The following TNFRSF8 variants were observed in gnomAD, a reference collection of about 807,000 sequenced individuals.
The protein encoded by TNFRSF8 is tumor necrosis factor receptor superfamily member 8.
TNFRSF8 carries 26 observed loss-of-function variants against 70.8 expected under a neutral mutation model. The observed-to-expected ratio is 0.37, with a 90% CI of 0.27 to 0.51. The LOEUF is 0.51. Among genes scored for constraint, TNFRSF8 ranks in the 20% least tolerant of loss-of-function variants. The pLI, the probability that TNFRSF8 is intolerant of heterozygous loss-of-function variation, is 0.94. For missense variants in TNFRSF8, 720 were observed against 807.9 expected, an observed-to-expected ratio of 0.89 and a Z score of 1.32; for synonymous variants, 356 against 339.2, an observed-to-expected ratio of 1.05 and a Z score of -0.54.
chr1:12,080,459 A>G (rs1569993247), intron 1 of TNFRSF8: 3 of 524,826 alleles, frequency 5.7e-6, no homozygotes, highest in East Asian at 5.2e-5. Context: ...TATCTTCTTC[A>G]TGGCAGACTC....
At position 12,099,310 on chromosome 1, in the gene TNFRSF8, A is replaced by G. The variant is rs558571698; in HGVS notation, c.268+2093A>G. Among the ~76,000 whole-genome samples, 8 of 151,914 alleles carry G rather than the reference A, an allele frequency of 5.3e-5. No individual in the cohort carries two copies. The East Asian group carries it at 1.6e-3, about 29-fold the overall frequency. On this transcript the variant is annotated intron_variant, in intron 3 of 14. Transcript: ENST00000263932. ...CAGGGATGCACCACCACGCCTGGCTAATTTTTGTATTTTTAGAAGAGATGG... is the reference window on the plus strand; with the variant it reads ...CAGGGATGCACCACCACGCCTGGCTGATTTTTGTATTTTTAGAAGAGATGG...
chr1:12,098,339 A>G (rs1641365548), intron 3 of TNFRSF8, among the ~76,000 whole-genome samples: 1 of 152,232 alleles, frequency 6.6e-6, no homozygotes, highest in African/African-American at 2.4e-5. Context: ...AATGAAAATT[A>G]TAAACATTTA....
intron 3 of TNFRSF8, among the ~76,000 whole-genome samples, chr1:12,103,475 CTA>C (rs1437259120): frequency 6.6e-6 from 1 of 152,102 alleles, no homozygotes; most frequent in Non-Finnish European, 1.5e-5. Context: ...ACAGTTTCCC[CTA>C]TTTTTTGTTT....
At chr1:12,130,035 G>A (rs1303704209) in intron 12 of TNFRSF8, among the ~76,000 whole-genome samples, 2 of 152,062 alleles carry the variant, frequency 1.3e-5, no homozygotes, top group Non-Finnish European at 2.9e-5. Flanking sequence ...CTCCCAAGTG[G>A]CTGGGATTAC....
Position 12,063,762 on chromosome 1 carries a change from T to C in TNFRSF8, c.63+101T>C, listed in dbSNP as rs1640689334. On this transcript the variant is annotated intron_variant, in intron 1 of 14. Transcript: ENST00000263932. This position sits in a 1 kb window ranked among gnomAD's most constrained non-coding sequence, Gnocchi z 7.2. ...GGAGGACACTCCTCACCCCGTTCCC[T>C]GCCCAGCTGGAGTGAGGGGGCGCGG... is the stretch of plus-strand genomic sequence containing the variant. The C allele has an allele frequency of 5.3e-6, 6 of 1,134,532 alleles. 1 individual carries two copies. The South Asian group carries it at 2.2e-4, about 41-fold the overall frequency. The allele number at this position is 1,134,532 out of a possible 1,614,324, so 70.3% of individuals were successfully genotyped here. A position where few individuals can be genotyped will look rare whatever the true frequency, so the allele number is the denominator to read the frequency against.
chr1:12,082,803 A>G (rs979322736), intron 1 of TNFRSF8, among the ~76,000 whole-genome samples: 1 of 152,206 alleles, frequency 6.6e-6, no homozygotes, highest in Non-Finnish European at 1.5e-5. Context: ...AAAGATTAGT[A>G]TATGTAATTT....
At chr1:12,137,870 C>T (rs1436466239) in intron 13 of TNFRSF8, among the ~76,000 whole-genome samples, 2 of 151,982 alleles carry the variant, frequency 1.3e-5, no homozygotes, top group African/African-American at 4.8e-5. Flanking sequence ...AACCCTGGGC[C>T]AATTACTCGA....
rs148756853 is a variant in TNFRSF8 at position 12,104,435 on chromosome 1, C to A, written c.325C>A (p.Arg109=). 2 of 1,613,998 alleles carry A rather than the reference C, an allele frequency of 1.2e-6. No individual in the cohort carries two copies. Among genetic ancestry groups the A allele is most frequent in the African/African-American group, 2.7e-5 (2 of 74,892 alleles). Residue 109 remains arginine (R), a synonymous_variant, in exon 4 of 15, where the codon CGA becomes AGA. Coordinates refer to ENST00000263932, the MANE Select transcript of TNFRSF8 (RefSeq NM_001243.5). ...GAACTCCTCCCGTGTCTGCGAATGT[C>A]GACCCGGCATGTTCTGTTCCACGTC... ...AWNSSRVCEC[R]PGMFCSTSAV...
intron 4 of TNFRSF8, among the ~76,000 whole-genome samples, chr1:12,107,449 GTGCTGTGTGTACAATA>G (rs766993655): frequency 3.3e-5 from 5 of 152,012 alleles, no homozygotes; most frequent in Non-Finnish European, 5.9e-5. Context: ...GCATTGAGAA[GTGCTGTGTGTACAATA>G]TGCACTGGAT....
rs748399721 is a variant in TNFRSF8 at position 12,115,583 on chromosome 1, T to C, written c.800T>C (p.Leu267Pro). The change falls in exon 8 of 15, where the codon CTT becomes CCT. Residue 267 changes from leucine to proline, a missense_variant. By Grantham distance (98) the Leu-to-Pro change is moderately conservative. Coordinates refer to ENST00000263932, the MANE Select transcript of TNFRSF8 (RefSeq NM_001243.5). ...CCTCATCTGTGTCCCTTAGATGACCTTGTGGAGAAGACGCCATGTGCATGG... is the reference window on the plus strand; with the variant it reads ...CCTCATCTGTGTCCCTTAGATGACCCTGTGGAGAAGACGCCATGTGCATGG... ...TACVSCSRDD[L>P]VEKTPCAWNS... 43 of 1,614,220 alleles carry C rather than the reference T, an allele frequency of 2.7e-5. No homozygotes were observed. The highest frequency in any genetic ancestry group is 3.4e-5 in the Non-Finnish European group (40 of 1,180,040).
At chr1:12,078,630 A>G (rs12125973) in intron 1 of TNFRSF8, among the ~76,000 whole-genome samples, 102,887 of 151,916 alleles carry the variant, frequency 0.68, 36,269 homozygotes, top group African/African-American at 0.86. Context: ...CAGAGCCCTG[A>G]ACTACAGCAC....
At chr1:12,132,269 AG>A (rs1299976594) in intron 12 of TNFRSF8, among the ~76,000 whole-genome samples, 1 of 152,234 alleles carries the variant, frequency 6.6e-6, no homozygotes, top group Non-Finnish European at 1.5e-5. Flanking sequence ...CACTGTGTTC[AG>A]GGTTCCCTTG....
At chr1:12,079,615 A>T (rs574570959) in intron 1 of TNFRSF8, among the ~76,000 whole-genome samples, 13 of 152,284 alleles carry the variant, frequency 8.5e-5, no homozygotes, top group Non-Finnish European at 1.5e-4. Context: ...GGGCCTGTGT[A>T]AGGGGAAGGG....
Position 12,109,920 on chromosome 1 carries a change from C to T in TNFRSF8, c.513-121C>T, listed in dbSNP as rs11569873. The T allele has an allele frequency of 2.0e-5, 26 of 1,277,534 alleles. No homozygotes were observed. Among genetic ancestry groups the T allele is most frequent in the East Asian group, 1.6e-4 (7 of 42,834 alleles). The allele number at this position is 1,277,534 out of a possible 1,614,324, so 79.1% of individuals were successfully genotyped here. On this transcript the variant is annotated intron_variant, in intron 5 of 14. Coordinates refer to ENST00000263932, the MANE Select transcript of TNFRSF8 (RefSeq NM_001243.5). The surrounding 1 kb of genome is among the most constrained non-coding windows in gnomAD (Gnocchi z 4.4). ...TGCTCCCAGGAGCTTACAGTGGGCC[C>T]GCCAGAGGCAGTGGGCCAAGGGCCT...
chr1:12,142,632 T>A lies in TNFRSF8; in HGVS notation c.*101T>A. On this transcript the variant is annotated 3_prime_UTR_variant, in exon 15 of 15. Coordinates refer to ENST00000263932, the MANE Select transcript of TNFRSF8 (RefSeq NM_001243.5). The surrounding 1 kb of genome is among the most constrained non-coding windows in gnomAD (Gnocchi z 5.0). ...GTTGGGGGCAGAGGCCCATCTGGCC[T>A]GAACTGAGGCTCCAGCATCTAGTGG... 7.0e-7 allele frequency: 1 copy of A among 1,431,032 alleles called. No homozygotes were observed. The highest frequency in any genetic ancestry group is 1.4e-5 in the South Asian group (1 of 71,996). 88.6% of individuals were successfully genotyped at this position (1,431,032 alleles called of 1,614,324 possible).
intron 1 of TNFRSF8, among the ~76,000 whole-genome samples, chr1:12,079,441 A>G (rs537560995): frequency 6.6e-6 from 1 of 151,800 alleles, no homozygotes; most frequent in East Asian, 1.9e-4. Context: ...CTCCCAGGCA[A>G]GGGCCCGAGC....
At chr1:12,092,891 C>T (rs1641269708) in intron 2 of TNFRSF8, among the ~76,000 whole-genome samples, 1 of 151,888 alleles carries the variant, frequency 6.6e-6, no homozygotes. Context: ...CTGCAACCTC[C>T]ACCTCCCAGG....
intron 2 of TNFRSF8, among the ~76,000 whole-genome samples, chr1:12,091,960 G>A (rs1255996705): frequency 6.6e-6 from 1 of 152,142 alleles, no homozygotes; most frequent in Non-Finnish European, 1.5e-5. Context: ...TCTGATAGGA[G>A]GTGGGGCTCA....
intron 1 of TNFRSF8, among the ~76,000 whole-genome samples, chr1:12,068,626 T>C (rs185623709): frequency 2.0e-4 from 31 of 152,218 alleles, no homozygotes; most frequent in Admixed American, 6.5e-5. Flanking sequence ...CATGGCTCAG[T>C]CTAGTTACTC....
Sources: allele counts gnomAD v4.1 joint callset (sites outside exome capture counted in the v4.1 genomes callset), GRCh38; gene constraint gnomAD v4.1.1; non-coding constraint Gnocchi (gnomAD v3.1); transcripts MANE v1.5; gene names NCBI Gene and HGNC (gene_info 2026-07-23, HGNC 2026-07-21).